The following NDST3 variants were observed in gnomAD, a reference collection of about 807,000 sequenced individuals.
The protein encoded by NDST3 is N-deacetylase and N-sulfotransferase 3.
NDST3 carries 58 observed loss-of-function variants against 96.1 expected under a neutral mutation model. The observed-to-expected ratio is 0.60, with a 90% CI of 0.49 to 0.75. The LOEUF is 0.75. Ranked by LOEUF, NDST3 falls within the 30% of genes least tolerant of loss-of-function variation. The probability of loss-of-function intolerance (pLI) is 0.00; values close to 1 mark genes in which losing one functional copy is unlikely to be tolerated. For synonymous variants in NDST3, 333 were observed against 359.7 expected (o/e 0.93, Z 0.84); for missense variants, 788 against 1,034.2 (o/e 0.76, Z 3.27).
intron 4 of NDST3, among the ~76,000 whole-genome samples, chr4:118,126,517 TATATATATATATATATACAC>T (rs1328881316): frequency 0.013 from 318 of 25,310 alleles, no homozygotes; most frequent in Middle Eastern, 0.019. Flanking sequence ...TGTATGTGTA[TATATATATATATATATACAC>T]ATATATATAT....
intron 6 of NDST3, among the ~76,000 whole-genome samples, chr4:118,151,450 T>A (rs1033075583): frequency 2.6e-5 from 4 of 152,056 alleles, no homozygotes; most frequent in Non-Finnish European, 4.4e-5. Context: ...AAAATAAAAG[T>A]AATTCCTGAA....
chr4:118,181,120 GA>G (rs530907754), intron 6 of NDST3, among the ~76,000 whole-genome samples: 113 of 152,230 alleles, frequency 7.4e-4, no homozygotes, highest in South Asian at 5.8e-3. Context: ...GAGGAAGACA[GA>G]GTACTCCAAA....
intron 2 of NDST3, among the ~76,000 whole-genome samples, chr4:118,093,850 A>G (rs970176184): frequency 1.3e-5 from 2 of 151,996 alleles, no homozygotes; most frequent in African/African-American, 4.8e-5. Flanking sequence ...TAGTTCTGGG[A>G]GCTGGAAATT....
At chr4:118,104,506 AATTAGAG>A (rs1730013532) in intron 2 of NDST3, among the ~76,000 whole-genome samples, 1 of 152,194 alleles carries the variant, frequency 6.6e-6, no homozygotes, top group African/African-American at 2.4e-5. Context: ...TGAAAGGGCA[AATTAGAG>A]ATCTACTTTA....
intron 3 of NDST3, among the ~76,000 whole-genome samples, chr4:118,108,886 T>A (rs928262101): frequency 9.5e-6 from 1 of 105,754 alleles, no homozygotes; most frequent in Non-Finnish European, 2.4e-5. Flanking sequence ...ATTTTAAATA[T>A]TAACAACTGG....
chr4:118,085,556 T>C (rs1284356187), intron 2 of NDST3, among the ~76,000 whole-genome samples: 1 of 152,226 alleles, frequency 6.6e-6, no homozygotes, highest in Non-Finnish European at 1.5e-5. Context: ...AAAAAAATGC[T>C]GCAACCTTTT....
At chr4:118,246,214 C>T (rs586073) in intron 12 of NDST3, among the ~76,000 whole-genome samples, 126,626 of 152,168 alleles carry the variant, frequency 0.83, 54,384 homozygotes, top group South Asian at 0.95. Flanking sequence ...TACATACCCA[C>T]TAAAATGGCT....
chr4:118,064,405 T>C (rs923500895), intron 2 of NDST3, among the ~76,000 whole-genome samples: 2 of 152,082 alleles, frequency 1.3e-5, no homozygotes, highest in African/African-American at 2.4e-5. Flanking sequence ...AACTGGAGAC[T>C]GAAGTACAAA....
chr4:118,244,310 T>C (rs1317781878), intron 12 of NDST3, among the ~76,000 whole-genome samples: 1 of 152,322 alleles, frequency 6.6e-6, no homozygotes, highest in African/African-American at 2.4e-5. Context: ...AGAGTAACTA[T>C]ACTGATAGCT....
At position 118,235,739 on chromosome 4, in the gene NDST3, T is replaced by G. The variant is rs1019021534; in HGVS notation, c.1944-1307T>G. ...CCTGAAAGTTGGCACTCTCCGTAAA[T>G]AGAATGTACACCAGAACAAATAGCA... On this transcript the variant is annotated intron_variant, in intron 9 of 13. Coordinates refer to ENST00000296499, the MANE Select transcript of NDST3 (RefSeq NM_004784.3). 1.4e-4 allele frequency among the ~76,000 whole-genome samples: 22 copies of G among 152,194 alleles called. 1 individual carries two copies. Among genetic ancestry groups the G allele is most frequent in the Non-Finnish European group, 2.9e-5 (2 of 68,032 alleles).
At chr4:118,148,170 C>T (rs1331535554) in intron 6 of NDST3, among the ~76,000 whole-genome samples, 3 of 152,234 alleles carry the variant, frequency 2.0e-5, no homozygotes, top group South Asian at 2.1e-4. Context: ...TGGTGGCAGG[C>T]GCCTGTAGTC....
chr4:118,194,676 G>A (rs529917752), intron 6 of NDST3: 42 of 632,906 alleles, frequency 6.6e-5, no homozygotes, highest in Middle Eastern at 4.8e-4. Flanking sequence ...CTGTTTGGGC[G>A]AATGTCCACT....
chr4:118,045,757 G>T (rs1264793911), intron 1 of NDST3, among the ~76,000 whole-genome samples: 1 of 152,130 alleles, frequency 6.6e-6, no homozygotes, highest in Non-Finnish European at 1.5e-5. Flanking sequence ...GCAGATGTGC[G>T]ATAGACTCTA....
intron 2 of NDST3, among the ~76,000 whole-genome samples, 153 bp from the exon 3 acceptor site, chr4:118,104,865 A>G (rs1730041559): frequency 6.6e-6 from 1 of 152,170 alleles, no homozygotes; most frequent in Admixed American, 6.5e-5. Flanking sequence ...GTATCTCTCT[A>G]GTTTTAAAGT....
intron 6 of NDST3, among the ~76,000 whole-genome samples, chr4:118,146,140 T>C (rs1185331951): frequency 6.6e-6 from 1 of 152,210 alleles, no homozygotes; most frequent in Non-Finnish European, 1.5e-5. Context: ...ATTTAGCAGA[T>C]GACATTTTTT....
At chr4:118,088,742 G>C (rs538022348) in intron 2 of NDST3, among the ~76,000 whole-genome samples, 2 of 152,072 alleles carry the variant, frequency 1.3e-5, no homozygotes, top group East Asian at 3.9e-4. Context: ...GCCAGTGTGC[G>C]TATTTTCATC....
chr4:118,226,785 C>T (rs1258329818), intron 7 of NDST3, 101 bp from the exon 8 acceptor site: 22 of 773,782 alleles, frequency 2.8e-5, no homozygotes, highest in Non-Finnish European at 3.4e-5. Flanking sequence ...TTTATCCCAG[C>T]GTTTCCTGGT....
chr4:118,191,995 A>C (rs1171409742), intron 6 of NDST3, among the ~76,000 whole-genome samples: 1 of 152,184 alleles, frequency 6.6e-6, no homozygotes, highest in African/African-American at 2.4e-5. Context: ...GGGTCAGATA[A>C]TATCTCACTG....
intron 2 of NDST3, among the ~76,000 whole-genome samples, chr4:118,091,175 A>T (rs1474591614): frequency 6.6e-6 from 1 of 151,702 alleles, no homozygotes; most frequent in African/African-American, 2.4e-5. Flanking sequence ...AGGATGAAAA[A>T]CTACCTATTG....
Sources: allele counts gnomAD v4.1 joint callset (sites outside exome capture counted in the v4.1 genomes callset), GRCh38; gene constraint gnomAD v4.1.1; transcripts MANE v1.5; gene names NCBI Gene and HGNC (gene_info 2026-07-23, HGNC 2026-07-21).